TM4SF4: variants seen among roughly 807,000 people sequenced by gnomAD.
TM4SF4 encodes transmembrane 4 L6 family member 4.
A neutral mutation model predicts 24.1 loss-of-function variants in TM4SF4; 24 were observed. That is an observed-to-expected ratio of 1.00 (90% CI 0.72 to 1.40). TM4SF4 has a LOEUF of 1.40. Ranked by LOEUF, TM4SF4 falls within the 40% of genes most tolerant of loss-of-function variation. TM4SF4 has a pLI of 0.00. For synonymous variants in TM4SF4, 113 were observed against 97.0 expected, an observed-to-expected ratio of 1.17 and a Z score of -0.97; for missense variants, 254 against 254.2, an observed-to-expected ratio of 1.00 and a Z score of 0.01.
chr3:149,486,758 T>A (rs192140699), intron 2 of TM4SF4, among the ~76,000 whole-genome samples: 8 of 152,300 alleles, frequency 5.3e-5, no homozygotes, highest in Non-Finnish European at 1.2e-4. Context: ...GGGTGAGAGA[T>A]GTCAAGGCAA....
At position 149,502,593 on chromosome 3, in the gene TM4SF4, G is replaced by A. The variant is rs894120373; in HGVS notation, c.592-83G>A. On this transcript the variant is annotated intron_variant, in intron 4 of 4. Transcript: ENST00000305354. ...CCATTAAGAGCCAGGAGGAAGGCAG[G>A]TGATGGGGATGGGAAGGAGGGGAAA... 19 of 901,090 alleles carry A rather than the reference G, an allele frequency of 2.1e-5. 1 individual carries two copies. The highest frequency in any genetic ancestry group is 1.4e-4 in the Admixed American group (8 of 58,782). 55.8% of individuals were successfully genotyped at this position (901,090 alleles called of 1,614,324 possible).
At chr3:149,500,509 G>T (rs148413454) in intron 4 of TM4SF4, among the ~76,000 whole-genome samples, 33 of 151,944 alleles carry the variant, frequency 2.2e-4, no homozygotes, top group African/African-American at 8.0e-4. Flanking sequence ...AAATGTTTTG[G>T]TCTTTAAACA....
At chr3:149,499,346 T>C (rs910274544) in intron 4 of TM4SF4, among the ~76,000 whole-genome samples, 2 of 152,132 alleles carry the variant, frequency 1.3e-5, no homozygotes, top group African/African-American at 4.8e-5. Context: ...AACATACCAA[T>C]GCAAAACCTA....
chr3:149,495,184 G>T, intron 3 of TM4SF4: 1 of 197,720 alleles, frequency 5.1e-6, no homozygotes, highest in South Asian at 9.4e-5. Flanking sequence ...TAAGAAAATT[G>T]GCTACAACCC....
intron 4 of TM4SF4, among the ~76,000 whole-genome samples, chr3:149,501,812 C>G (rs931816847): frequency 6.6e-6 from 1 of 152,158 alleles, no homozygotes; most frequent in African/African-American, 2.4e-5. Flanking sequence ...TCCATTCAGG[C>G]GGAAAGTATT....
chr3:149,478,257 T>C (rs1183195686), intron 2 of TM4SF4, among the ~76,000 whole-genome samples: 2 of 152,204 alleles, frequency 1.3e-5, no homozygotes, highest in Non-Finnish European at 2.9e-5. Flanking sequence ...GCGATTCTCC[T>C]GCCTCAGCCT....
intron 4 of TM4SF4, among the ~76,000 whole-genome samples, chr3:149,499,823 C>T (rs1217607496): frequency 6.6e-6 from 1 of 151,640 alleles, no homozygotes; most frequent in Non-Finnish European, 1.5e-5. Context: ...TGCAGTGAGC[C>T]GAGATCTCAC....
At chr3:149,479,774 T>A (rs1478564110) in intron 2 of TM4SF4, among the ~76,000 whole-genome samples, 2 of 152,184 alleles carry the variant, frequency 1.3e-5, no homozygotes, top group Non-Finnish European at 2.9e-5. Flanking sequence ...GAATCCTCTG[T>A]CCTCTCTACA....
chr3:149,475,065 C>CT lies in TM4SF4; in HGVS notation c.174+16dup. ...AGCGGTGTCTTGGTGAGTAGGGAAG[C>CT]TTAAAATCCCCCTAAGGGAGATTTT... On this transcript the variant is annotated intron_variant, in intron 1 of 4. Transcript: ENST00000305354. 1 of 1,483,726 alleles carries CT rather than the reference C, an allele frequency of 6.7e-7. No individual in the cohort carries two copies. Among genetic ancestry groups the CT allele is most frequent in the Non-Finnish European group, 9.0e-7 (1 of 1,112,950 alleles). The allele number at this position is 1,483,726 out of a possible 1,614,324, so 91.9% of individuals were successfully genotyped here.
At chr3:149,487,287 T>G (rs905133284) in intron 2 of TM4SF4, among the ~76,000 whole-genome samples, 4 of 152,202 alleles carry the variant, frequency 2.6e-5, no homozygotes, top group Non-Finnish European at 4.4e-5. Flanking sequence ...CCTAAGGTTC[T>G]TTGATTCTAT....
chr3:149,474,792 C>T lies in TM4SF4; in HGVS notation c.-86C>T. 6 of 1,414,058 alleles carry T rather than the reference C, an allele frequency of 4.2e-6. No homozygotes were observed. The highest frequency in any genetic ancestry group is 2.9e-6 in the Non-Finnish European group (3 of 1,050,736). 87.6% of individuals were successfully genotyped at this position (1,414,058 alleles called of 1,614,324 possible). A position where few individuals can be genotyped will look rare whatever the true frequency, so the allele number is the denominator to read the frequency against. ...ATTGAATTGGAGACAATTACAAGGA[C>T]TCTCTGGCCAAAAACCCTTGAAGAG... On this transcript the variant is annotated 5_prime_UTR_variant, in exon 1 of 5. Transcript: ENST00000305354.
intron 3 of TM4SF4, among the ~76,000 whole-genome samples, chr3:149,497,119 T>C (rs1370685485): frequency 2.0e-5 from 3 of 152,206 alleles, no homozygotes; most frequent in Non-Finnish European, 4.4e-5. Context: ...TACATCTGAA[T>C]CCAAAATACC....
intron 3 of TM4SF4, among the ~76,000 whole-genome samples, chr3:149,493,238 C>T (rs1734246047): frequency 1.3e-5 from 2 of 152,044 alleles, no homozygotes; most frequent in African/African-American, 4.8e-5. Context: ...TTCAACCAGG[C>T]ATAAATAAGG....
At chr3:149,484,200 C>T (rs1045706460) in intron 2 of TM4SF4, among the ~76,000 whole-genome samples, 1 of 152,152 alleles carries the variant, frequency 6.6e-6, no homozygotes, top group African/African-American at 2.4e-5. Flanking sequence ...CCGTTTGAGT[C>T]TGAATACAAC....
At chr3:149,499,237 G>T (rs1734371801) in intron 4 of TM4SF4, among the ~76,000 whole-genome samples, 1 of 152,290 alleles carries the variant, frequency 6.6e-6, no homozygotes, top group Non-Finnish European at 1.5e-5. Context: ...ATGTTTATAT[G>T]AAGATCCACC....
At chr3:149,501,410 C>A (rs1320671477) in intron 4 of TM4SF4, among the ~76,000 whole-genome samples, 2 of 152,174 alleles carry the variant, frequency 1.3e-5, no homozygotes, top group African/African-American at 2.4e-5. Context: ...AACTTCAAAT[C>A]TACATAAAGT....
chr3:149,488,637 A>T (rs1247726614), intron 3 of TM4SF4, among the ~76,000 whole-genome samples: 1 of 152,224 alleles, frequency 6.6e-6, no homozygotes, highest in Non-Finnish European at 1.5e-5. Flanking sequence ...AGTACCCAGT[A>T]GCCATATAGG....
chr3:149,493,530 A>C (rs1734254093), intron 3 of TM4SF4, among the ~76,000 whole-genome samples: 1 of 152,214 alleles, frequency 6.6e-6, no homozygotes, highest in Non-Finnish European at 1.5e-5. Context: ...CTCTATGCCA[A>C]GCACTGTTCA....
chr3:149,474,962 T>C lies in TM4SF4; in HGVS notation c.85T>C (p.Phe29Leu), dbSNP rs1733898789. The change falls in exon 1 of 5, where the codon TTT becomes CTT. Residue 29 changes from phenylalanine to leucine, a missense_variant. Phe to Leu is a conservative substitution (Grantham distance 22). Transcript: ENST00000305354. ...FFGFLANILL[F>L]FPGGKVIDDN... ...TGGCTTCCTGGCTAACATCCTGTTA[T>C]TTTTTCCTGGAGGAAAAGTGATAGA... 2.8e-5 allele frequency: 45 copies of C among 1,613,788 alleles called. No homozygotes were observed. The highest frequency in any genetic ancestry group is 3.7e-5 in the Non-Finnish European group (44 of 1,179,844).
Sources: allele counts gnomAD v4.1 joint callset (sites outside exome capture counted in the v4.1 genomes callset), GRCh38; gene constraint gnomAD v4.1.1; transcripts MANE v1.5; gene names NCBI Gene and HGNC (gene_info 2026-07-23, HGNC 2026-07-21).